The following LRCH3 variants were observed in gnomAD, a reference collection of about 807,000 sequenced individuals.
LRCH3 encodes leucine rich repeats and calponin homology domain containing 3.
Under a neutral mutation model 104.5 loss-of-function variants are expected in LRCH3, and 68 were observed. The observed-to-expected ratio is 0.65, with a 90% confidence interval of 0.54 to 0.80. The LOEUF (loss-of-function observed/expected upper bound fraction) is 0.80. Ranked by LOEUF, LRCH3 falls within the 30% of genes least tolerant of loss-of-function variation. The pLI, the probability that LRCH3 is intolerant of heterozygous loss-of-function variation, is 0.00. For missense variants in LRCH3, 951 were observed against 953.9 expected, an observed-to-expected ratio of 1.00 and a Z score of 0.04; for synonymous variants, 344 against 361.3, an observed-to-expected ratio of 0.95 and a Z score of 0.54.
chr3:197,855,819 C>A (rs1034947873), intron 14 of LRCH3, among the ~76,000 whole-genome samples: 2 of 152,212 alleles, frequency 1.3e-5, no homozygotes, highest in African/African-American at 4.8e-5. Flanking sequence ...TCTGATCCTC[C>A]AAATTAGACG....
intron 15 of LRCH3, among the ~76,000 whole-genome samples, chr3:197,863,236 CTA>C (rs1341076281): frequency 6.6e-6 from 1 of 151,990 alleles, no homozygotes; most frequent in Non-Finnish European, 1.5e-5. Context: ...GCCTAAAAAA[CTA>C]TTAATGTTAT....
rs776945903 is a variant in LRCH3, at chr3:197,829,662, T to A, written c.876T>A (p.Gly292=). 1.2e-6 allele frequency: 2 copies of A among 1,609,242 alleles called. No homozygotes were observed. Among genetic ancestry groups the A allele is most frequent in the East Asian group, 2.2e-5 (1 of 44,800 alleles). ...DLPDYDRRPL[G]FGSCHEELYS... ...CGGATTATGATAGGAGACCGTTGGG[T>A]TTTGGCTCCTGGTAAGTATATTCTG... Residue 292 remains glycine (G), a synonymous_variant, in exon 6 of 21, where the codon GGT becomes GGA. Transcript: ENST00000425562.
At chr3:197,792,032 C>T (rs1465200763) in intron 1 of LRCH3, among the ~76,000 whole-genome samples, 3 of 151,682 alleles carry the variant, frequency 2.0e-5, no homozygotes, top group Non-Finnish European at 4.4e-5. Context: ...AAAGTGGACC[C>T]GAAAGAAGTG....
intron 4 of LRCH3, among the ~76,000 whole-genome samples, chr3:197,824,087 CAG>C (rs1734810207): frequency 6.7e-6 from 1 of 149,706 alleles, no homozygotes; most frequent in South Asian, 2.1e-4. Flanking sequence ...TTTTTTGAGA[CAG>C]AGTCTTGCTC....
At chr3:197,879,343 TTGG>T (rs1377994175) in intron 20 of LRCH3, among the ~76,000 whole-genome samples, 1 of 152,186 alleles carries the variant, frequency 6.6e-6, no homozygotes, top group African/African-American at 2.4e-5. Context: ...CGAGCTGGAC[TTGG>T]TTAAAATAGA....
intron 10 of LRCH3, among the ~76,000 whole-genome samples, chr3:197,844,723 T>G (rs901587369): frequency 2.0e-5 from 3 of 152,162 alleles, no homozygotes; most frequent in Non-Finnish European, 4.4e-5. Flanking sequence ...GTTCAAGCGA[T>G]TCCCCTGCCT....
Position 197,877,784 on chromosome 3 carries a change from G to A in LRCH3, c.2208+2009G>A, listed in dbSNP as rs571558260. ...TTCTTTTGCTGTTTTTTTTTTAACT[G>A]AATTATACAAGAATGGAAATTTACA... On this transcript the variant is annotated intron_variant, in intron 20 of 20. Coordinates refer to ENST00000425562, the MANE Select transcript of LRCH3 (RefSeq NM_001365715.1). 5.3e-5 allele frequency among the ~76,000 whole-genome samples: 8 copies of A among 151,258 alleles called. No individual in the cohort carries two copies. The East Asian group carries it at 1.5e-3, about 29-fold the overall frequency.
chr3:197,830,840 G>A lies in LRCH3; in HGVS notation c.958G>A (p.Asp320Asn). ...DSGFNSVDSG[D>N]KRWSGNEPTD... is the part of the protein sequence containing the mutation. Reference sequence around the variant, plus strand: ...AGGCTTCAATAGTGTGGACAGTGGTGATAAGAGATGGTCAGGGAATGAAGT... The same window carrying A: ...AGGCTTCAATAGTGTGGACAGTGGTAATAAGAGATGGTCAGGGAATGAAGT... The change falls in exon 7 of 21, where the codon GAT becomes AAT. Residue 320 changes from aspartate to asparagine, a missense_variant. Physicochemically the swap from Asp to Asn is conservative, Grantham distance 23. Transcript: ENST00000425562. The A allele has an allele frequency of 1.9e-6, 3 of 1,613,918 alleles. No homozygotes were observed. Among genetic ancestry groups the A allele is most frequent in the Non-Finnish European group, 2.5e-6 (3 of 1,179,840 alleles).
At chr3:197,878,764 G>A (rs1414894457) in intron 20 of LRCH3, among the ~76,000 whole-genome samples, 1 of 152,200 alleles carries the variant, frequency 6.6e-6, no homozygotes, top group African/African-American at 2.4e-5. Flanking sequence ...CTCTGCCAGA[G>A]GAAGAGAAGA....
chr3:197,795,616 A>G (rs1228593561), intron 1 of LRCH3, among the ~76,000 whole-genome samples: 2 of 149,758 alleles, frequency 1.3e-5, no homozygotes, highest in East Asian at 2.0e-4. Context: ...AGTCAGTGCT[A>G]TCTCTGTACT....
At chr3:197,827,905 T>C (rs113188036) in intron 5 of LRCH3, among the ~76,000 whole-genome samples, 4,041 of 151,774 alleles carry the variant, frequency 0.027, 87 homozygotes, top group East Asian at 0.054. Flanking sequence ...GGTGAAACCT[T>C]GTCTCTACTA....
chr3:197,876,416 G>A (rs1478658851), intron 20 of LRCH3: 1 of 152,200 alleles, frequency 6.6e-6, no homozygotes, highest in African/African-American at 2.4e-5. Context: ...CTCCAGCTCA[G>A]TTATAACTTT....
chr3:197,875,570 C>A, intron 19 of LRCH3, 128 bp from the exon 20 acceptor site: 2 of 634,702 alleles, frequency 3.2e-6, no homozygotes, highest in Non-Finnish European at 2.7e-6. Context: ...GGGAGGATCA[C>A]CTGAGCCTGG....
At chr3:197,880,943 G>A in intron 20 of LRCH3, 1 of 1,393,892 alleles carries the variant, frequency 7.2e-7, no homozygotes, top group Non-Finnish European at 9.3e-7. Flanking sequence ...TTTTCTCCTG[G>A]TCATCCGTCC....
At chr3:197,839,079 G>C (rs1157808409) in intron 9 of LRCH3, among the ~76,000 whole-genome samples, 1 of 152,212 alleles carries the variant, frequency 6.6e-6, no homozygotes, top group African/African-American at 2.4e-5. Context: ...ATATAATACA[G>C]TGAGAAGGAA....
At chr3:197,875,585 T>C in intron 19 of LRCH3, 113 bp from the exon 20 acceptor site, 1 of 697,636 alleles carries the variant, frequency 1.4e-6, no homozygotes, top group Middle Eastern at 3.9e-4. Context: ...GCCTGGGAGG[T>C]CAATGATACA....
At chr3:197,796,101 A>G (rs1292704902) in intron 1 of LRCH3, among the ~76,000 whole-genome samples, 2 of 152,198 alleles carry the variant, frequency 1.3e-5, no homozygotes, top group African/African-American at 4.8e-5. Flanking sequence ...AGAATATAAG[A>G]GCTGCCTTTC....
intron 10 of LRCH3, among the ~76,000 whole-genome samples, chr3:197,840,457 AAAAAAACC>A (rs1737637989): frequency 1.0e-5 from 1 of 100,216 alleles, no homozygotes; most frequent in Admixed American, 1.1e-4. Context: ...ACTCCATCTC[AAAAAAACC>A]AAAAAAAGAA....
chr3:197,830,715 A>C, intron 6 of LRCH3, 55 bp from the exon 7 acceptor site: 1 of 1,453,168 alleles, frequency 6.9e-7, no homozygotes. Context: ...GTTTAATTTC[A>C]AATTTTAATT....
Sources: allele counts gnomAD v4.1 joint callset (sites outside exome capture counted in the v4.1 genomes callset), GRCh38; gene constraint gnomAD v4.1.1; transcripts MANE v1.5; gene names NCBI Gene and HGNC (gene_info 2026-07-23, HGNC 2026-07-21).